Variants in KCNQ1 observed in about 807,000 individuals in gnomAD.
KCNQ1 encodes the protein potassium voltage-gated channel subfamily KQT member 1.
Under a neutral mutation model 72.4 loss-of-function variants are expected in KCNQ1, and 49 were observed. The ratio of observed to expected loss-of-function variants is 0.68; its 90% CI spans 0.54 to 0.86. The LOEUF (loss-of-function observed/expected upper bound fraction) is 0.86. Ranked by LOEUF, KCNQ1 falls within the 40% of genes least tolerant of loss-of-function variation. The pLI is 0.00. For missense variants in KCNQ1, 790 were observed against 945.1 expected (o/e 0.84, Z 2.15); for synonymous variants, 450 against 412.6 (o/e 1.09, Z -1.10).
intron 10 of KCNQ1, chr11:2,618,271 A>C: frequency 2.5e-6 from 1 of 398,630 alleles, no homozygotes; most frequent in Non-Finnish European, 4.4e-6. Context: ...CTTAGGCCAC[A>C]CATAAAATAC....
At position 2,734,152 on chromosome 11, in the gene KCNQ1, G is replaced by A. The variant is rs572410361; in HGVS notation, c.1515-34692G>A. Among the ~76,000 whole-genome samples, 12 of 152,256 alleles carry A rather than the reference G, an allele frequency of 7.9e-5. No individual in the cohort carries two copies. Among genetic ancestry groups the A allele is most frequent in the East Asian group, 3.9e-4 (2 of 5,156 alleles). Reference sequence around the variant, plus strand: ...TGGTCCTGCTCCGGCCCCAGGGCCCGCAGGTGTGTGTGAGAGGTGCATGGT... The same window carrying A: ...TGGTCCTGCTCCGGCCCCAGGGCCCACAGGTGTGTGTGAGAGGTGCATGGT... On this transcript the variant is annotated intron_variant, in intron 11 of 15. Transcript: ENST00000155840. The surrounding 1 kb of genome is among the most constrained non-coding windows in gnomAD (Gnocchi z 7.0).
chr11:2,521,295 T>C (rs1348128316), intron 1 of KCNQ1, among the ~76,000 whole-genome samples: 1 of 151,930 alleles, frequency 6.6e-6, no homozygotes, highest in Non-Finnish European at 1.5e-5. Flanking sequence ...CCCCTCTCCC[T>C]CGGCCCCGCT....
At position 2,713,307 on chromosome 11, in the gene KCNQ1, C is replaced by T. The variant is rs1230040586; in HGVS notation, c.1514+51226C>T. ...ACATTGTTCACTGCGCTTCTCAGGC[C>T]TTCTGGGCTCTTCCTCTGCTGCTCG... On this transcript the variant is annotated intron_variant, in intron 11 of 15. Transcript: ENST00000155840. The surrounding 1 kb of genome is among the most constrained non-coding windows in gnomAD (Gnocchi z 5.6). Among the ~76,000 whole-genome samples the T allele has an allele frequency of 1.3e-5, 2 of 152,184 alleles. No homozygotes were observed. The highest frequency in any genetic ancestry group is 2.4e-5 in the African/African-American group (1 of 41,436).
At chr11:2,755,292 C>T (rs991156919) in intron 11 of KCNQ1, among the ~76,000 whole-genome samples, 1 of 152,052 alleles carries the variant, frequency 6.6e-6, no homozygotes, top group African/African-American at 2.4e-5. Context: ...GCTCTGTGAC[C>T]CGGGTTGGAG....
At chr11:2,846,162 C>T (rs1454870717) in intron 15 of KCNQ1, among the ~76,000 whole-genome samples, 2 of 152,200 alleles carry the variant, frequency 1.3e-5, no homozygotes, top group Non-Finnish European at 2.9e-5. Flanking sequence ...GCCCGCCCGG[C>T]GCAGCCTAGG....
rs1362777296 is a variant in KCNQ1, at chr11:2,663,598, G to C, written c.1514+1517G>C. 2.5e-6 allele frequency: 1 copy of C among 398,642 alleles called. No individual in the cohort carries two copies. Among genetic ancestry groups the C allele is most frequent in the East Asian group, 3.6e-5 (1 of 28,068 alleles). 24.7% of individuals were successfully genotyped at this position (398,642 alleles called of 1,614,324 possible). A position where few individuals can be genotyped will look rare whatever the true frequency, so the allele number is the denominator to read the frequency against. ...TCCTGTTGGAGCTCTCGCTCACCTT[G>C]GTTCTCTTGGTCACGGACCAGCATC... On this transcript the variant is annotated intron_variant, in intron 11 of 15. Transcript: ENST00000155840. This position sits in a 1 kb window ranked among gnomAD's most constrained non-coding sequence, Gnocchi z 5.2.
chr11:2,584,993 A>T (rs1306384069), intron 7 of KCNQ1, among the ~76,000 whole-genome samples: 2 of 152,164 alleles, frequency 1.3e-5, no homozygotes, highest in African/African-American at 4.8e-5. Flanking sequence ...GCCCTGCCCC[A>T]TGGGACTGGG....
chr11:2,517,582 C>T (rs1173683079), intron 1 of KCNQ1, among the ~76,000 whole-genome samples: 1 of 152,166 alleles, frequency 6.6e-6, no homozygotes, highest in Non-Finnish European at 1.5e-5. Context: ...AGGCATGTGG[C>T]GTGGCAACCA....
intron 1 of KCNQ1, among the ~76,000 whole-genome samples, chr11:2,501,177 A>C (rs954695609): frequency 1.3e-5 from 2 of 152,318 alleles, no homozygotes; most frequent in East Asian, 3.9e-4. Context: ...GAAATAATAA[A>C]GCTTAGAGCA....
In KCNQ1 at chr11:2,599,985, T is replaced by C. The variant is rs1589975047; in HGVS notation, c.1393+11131T>C. 6.6e-6 allele frequency among the ~76,000 whole-genome samples: 1 copy of C among 152,248 alleles called. No individual in the cohort carries two copies. Among genetic ancestry groups the C allele is most frequent in the Non-Finnish European group, 1.5e-5 (1 of 68,042 alleles). On this transcript the variant is annotated intron_variant, in intron 10 of 15. Coordinates refer to ENST00000155840, the MANE Select transcript of KCNQ1 (RefSeq NM_000218.3). The surrounding 1 kb of genome is among the most constrained non-coding windows in gnomAD (Gnocchi z 4.7). The stretch of plus-strand genomic sequence containing the variant: ...TGTTAATTTCAGTGATGTAGCCAGG[T>C]TGTTTTTCTCGTTTTGTCTGACCTT...
At chr11:2,637,963 G>A (rs1849503477) in intron 10 of KCNQ1, 1 of 152,056 alleles carries the variant, frequency 6.6e-6, no homozygotes. Context: ...GATCTTTATT[G>A]GTTTAAAGTC....
In KCNQ1 at chr11:2,691,293, A is replaced by C; in HGVS notation, c.1514+29212A>C. Reference sequence around the variant, plus strand: ...CACTAATCAGGAAGGAGAGCTGACAAGAAAAAGGCGATGTCTCACCCCTGA... The same window carrying C: ...CACTAATCAGGAAGGAGAGCTGACACGAAAAAGGCGATGTCTCACCCCTGA... On this transcript the variant is annotated intron_variant, in intron 11 of 15. Coordinates refer to ENST00000155840, the MANE Select transcript of KCNQ1 (RefSeq NM_000218.3). This position sits in a 1 kb window ranked among gnomAD's most constrained non-coding sequence, Gnocchi z 6.4. The C allele has an allele frequency of 2.5e-6, 1 of 398,630 alleles. No individual in the cohort carries two copies. Among genetic ancestry groups the C allele is most frequent in the Non-Finnish European group, 4.4e-6 (1 of 226,084 alleles). 24.7% of individuals were successfully genotyped at this position (398,630 alleles called of 1,614,324 possible). A position where few individuals can be genotyped will look rare whatever the true frequency, so the allele number is the denominator to read the frequency against.
At chr11:2,461,432 G>T (rs931185112) in intron 1 of KCNQ1, 6 of 1,281,754 alleles carry the variant, frequency 4.7e-6, no homozygotes, top group African/African-American at 1.5e-5. Context: ...GGCGGGGGTG[G>T]CCCCTCTTCC....
chr11:2,624,993 A>G lies in KCNQ1; in HGVS notation c.1393+36139A>G, dbSNP rs957799254. 1 of 398,586 alleles carries G rather than the reference A, an allele frequency of 2.5e-6. No homozygotes were observed. Among genetic ancestry groups the G allele is most frequent in the Non-Finnish European group, 4.4e-6 (1 of 226,068 alleles). The allele number at this position is 398,586 out of a possible 1,614,324, so 24.7% of individuals were successfully genotyped here. A position where few individuals can be genotyped will look rare whatever the true frequency, so the allele number is the denominator to read the frequency against. On this transcript the variant is annotated intron_variant, in intron 10 of 15. Transcript: ENST00000155840. The surrounding 1 kb of genome is among the most constrained non-coding windows in gnomAD (Gnocchi z 4.9). ...TTTGCTTATCCATTCTTCCATGGAC[A>G]TTTGGGTTGCATTGATGTTTTAACT... is the stretch of plus-strand genomic sequence containing the variant.
chr11:2,573,842 C>T (rs1219049380), intron 6 of KCNQ1, among the ~76,000 whole-genome samples: 2 of 152,114 alleles, frequency 1.3e-5, no homozygotes, highest in East Asian at 1.9e-4. Context: ...GGAGATGTTC[C>T]GATGAGGATG....
At chr11:2,726,447 T>A (rs1168955180) in intron 11 of KCNQ1, among the ~76,000 whole-genome samples, 2 of 152,112 alleles carry the variant, frequency 1.3e-5, no homozygotes, top group Admixed American at 6.5e-5. Context: ...AGGAGATGGA[T>A]GCTGCCCTGT....
At position 2,712,518 on chromosome 11, in the gene KCNQ1, C is replaced by T. The variant is rs150346597; in HGVS notation, c.1514+50437C>T. Among the ~76,000 whole-genome samples the T allele has an allele frequency of 4.0e-3, 478 of 120,650 alleles. 2 individuals are homozygous for T. Among genetic ancestry groups the T allele is most frequent in the African/African-American group, 0.014 (458 of 32,120 alleles). The allele number at this position is 120,650 out of a possible 152,430, so 79.2% of individuals were successfully genotyped here. ...AGTGGAGATCTCGCCCACATATTCC[C>T]GAAGCCACCAGGCCAGACACCGCCC... On this transcript the variant is annotated intron_variant, in intron 11 of 15. Coordinates refer to ENST00000155840, the MANE Select transcript of KCNQ1 (RefSeq NM_000218.3). This position sits in a 1 kb window ranked among gnomAD's most constrained non-coding sequence, Gnocchi z 6.4.
chr11:2,549,689 G>T lies in KCNQ1; in HGVS notation c.478-20939G>T, dbSNP rs1420829517. Among the ~76,000 whole-genome samples the T allele has an allele frequency of 1.3e-5, 2 of 152,096 alleles. No individual in the cohort carries two copies. Among genetic ancestry groups the T allele is most frequent in the Non-Finnish European group, 2.9e-5 (2 of 67,994 alleles). ...GGGGTGGGAACAAGAGGCGTTTTGT[G>T]TTCTGCATGGGTGGCCCTGGGCTCC... On this transcript the variant is annotated intron_variant, in intron 2 of 15. Transcript: ENST00000155840. The surrounding 1 kb of genome is among the most constrained non-coding windows in gnomAD (Gnocchi z 6.2).
At chr11:2,821,262 G>A (rs1377427321) in intron 15 of KCNQ1, among the ~76,000 whole-genome samples, 2 of 152,244 alleles carry the variant, frequency 1.3e-5, no homozygotes, top group African/African-American at 4.8e-5. Context: ...GACTCCAGGT[G>A]CAGAGGCCCC....
Sources: gnomAD v4.1 joint callset for allele counts (sites outside exome capture counted in the v4.1 genomes callset) on GRCh38, gnomAD v4.1.1 for gene constraint, Gnocchi (gnomAD v3.1) non-coding constraint, MANE v1.5 for transcripts, NCBI Gene and HGNC (gene_info 2026-07-23, HGNC 2026-07-21) for gene names.